The following SSTR5 variants were observed in gnomAD, a reference collection of about 807,000 sequenced individuals.
The protein encoded by SSTR5 is somatostatin receptor 5.
A neutral mutation model predicts 0.3 loss-of-function variants in SSTR5; 1 was observed. The observed-to-expected ratio is 2.98, with a 90% CI of 1.06 to 14.15. SSTR5 has a LOEUF of 14.15. Ranked by LOEUF, SSTR5 falls within the 30% of genes most tolerant of loss-of-function variation. The probability of loss-of-function intolerance (pLI) is 0.12; values close to 1 mark genes in which losing one functional copy is unlikely to be tolerated. For synonymous variants in SSTR5, 256 were observed against 263.1 expected (o/e 0.97, Z 0.26); for missense variants, 516 against 543.2 (o/e 0.95, Z 0.50).
At position 1,078,920 on chromosome 16, in the gene SSTR5, G is replaced by A. The variant is rs566320561; in HGVS notation, c.52G>A (p.Gly18Arg). The A allele has an allele frequency of 3.7e-5, 59 of 1,604,162 alleles. No individual in the cohort carries two copies. The South Asian group carries it at 6.2e-4, about 17-fold the overall frequency. The change falls in exon 2 of 2, where the codon GGG (glycine) becomes AGG (arginine). Residue 18 changes from glycine to arginine, a missense_variant. Coordinates refer to ENST00000689027, the MANE Select transcript of SSTR5 (RefSeq NM_001172560.3). ...GCCCAGCTGGAACGCCTCCTCCCCG[G>A]GGGCTGCCTCTGGAGGCGGTGACAA... is the stretch of plus-strand genomic sequence containing the variant. ...STPSWNASSP[G>R]AASGGGDNRT...
rs115525871 is a variant in SSTR5, at chr16:1,081,063, C to T, written c.*1100C>T. ...CGCAAATGGCAGGCCCTGGGAATCC[C>T]GCCGCCTCCCACCTAGAATTGTCCT... On this transcript the variant is annotated 3_prime_UTR_variant, in exon 2 of 2. Transcript: ENST00000689027. The T allele has an allele frequency of 3.2e-3, 1,520 of 470,290 alleles. 19 individuals are homozygous for T. Among genetic ancestry groups the T allele is most frequent in the African/African-American group, 0.024 (1,201 of 50,172 alleles). The allele number at this position is 470,290 out of a possible 1,614,324, so 29.1% of individuals were successfully genotyped here. A position where few individuals can be genotyped will look rare whatever the true frequency, so the allele number is the denominator to read the frequency against.
chr16:1,079,631 C>G lies in SSTR5; in HGVS notation c.763C>G (p.Leu255Val). Residue 255 changes from leucine (L) to valine (V), a missense_variant, in exon 2 of 2, where the codon CTG becomes GTG. Coordinates refer to ENST00000689027, the MANE Select transcript of SSTR5 (RefSeq NM_001172560.3). The part of the protein sequence containing the change: ...KVTRMVLVVV[L>V]VFAGCWLPFF... The stretch of plus-strand genomic sequence containing the variant: ...GACGCGCATGGTGTTGGTGGTGGTG[C>G]TGGTGTTTGCGGGATGTTGGCTGCC... 1 of 1,612,238 alleles carries G rather than the reference C, an allele frequency of 6.2e-7. No individual in the cohort carries two copies. The highest frequency in any genetic ancestry group is 8.5e-7 in the Non-Finnish European group (1 of 1,179,308).
chr16:1,074,460 C>T (rs1960153829), intron 1 of SSTR5, among the ~76,000 whole-genome samples: 2 of 152,190 alleles, frequency 1.3e-5, no homozygotes, highest in South Asian at 4.1e-4. Context: ...TGGCAGGGTG[C>T]AGGCTAGACC....
Position 1,079,115 on chromosome 16 carries a change from G to T in SSTR5, c.247G>T (p.Ala83Ser). The change falls in exon 2 of 2, where the codon GCA (alanine) becomes TCA (serine). Residue 83 changes from alanine (A) to serine (S), a missense_variant. By Grantham distance (99) the Ala-to-Ser change is moderately conservative. Coordinates refer to ENST00000689027, the MANE Select transcript of SSTR5 (RefSeq NM_001172560.3). ...TVTNIYILNLAVADVLYMLGL... is the reference protein window; with the variant it reads ...TVTNIYILNLSVADVLYMLGL... Reference sequence around the variant, plus strand: ...CACCAACATCTACATTCTCAACCTGGCAGTGGCCGACGTCCTGTACATGCT... The same window carrying T: ...CACCAACATCTACATTCTCAACCTGTCAGTGGCCGACGTCCTGTACATGCT... 6.2e-7 allele frequency: 1 copy of T among 1,612,732 alleles called. No homozygotes were observed. The highest frequency in any genetic ancestry group is 8.5e-7 in the Non-Finnish European group (1 of 1,179,968).
chr16:1,076,635 C>A (rs1398413420), intron 1 of SSTR5, among the ~76,000 whole-genome samples: 1 of 152,082 alleles, frequency 6.6e-6, no homozygotes, highest in African/African-American at 2.4e-5. Context: ...CAGCACCCTG[C>A]TCCAGTGAAT....
At chr16:1,075,972 T>G (rs867087225) in intron 1 of SSTR5, among the ~76,000 whole-genome samples, 1 of 542 alleles carries the variant, frequency 1.8e-3, no homozygotes, top group Non-Finnish European at 4.3e-3. Context: ...CCCCTCTCTC[T>G]CCCTCCCCCT....
intron 1 of SSTR5, chr16:1,078,537 G>T (rs1362856543): frequency 9.3e-6 from 4 of 429,740 alleles, no homozygotes; most frequent in Admixed American, 7.5e-5. Context: ...TCAGACTCCA[G>T]GATGCTGCGG....
In SSTR5 at chr16:1,079,798, C is replaced by T. The variant is rs746094680; in HGVS notation, c.930C>T (p.Asn310=). ...TCCTCTACGGCTTCCTCTCTGACAACTTCCGCCAGAGCTTCCAGAAGGTTC... is the reference window on the plus strand; with the variant it reads ...TCCTCTACGGCTTCCTCTCTGACAATTTCCGCCAGAGCTTCCAGAAGGTTC... ...NPVLYGFLSD[N]FRQSFQKVLC... The change falls in exon 2 of 2, where the codon AAC becomes AAT. Residue 310 remains asparagine (N), a synonymous_variant. Coordinates refer to ENST00000689027, the MANE Select transcript of SSTR5 (RefSeq NM_001172560.3). 6.2e-6 allele frequency: 10 copies of T among 1,612,436 alleles called. No homozygotes were observed. In the African/African-American group the frequency reaches 1.3e-4, roughly 22 times the overall value.
chr16:1,073,444 C>T (rs1960129930), intron 1 of SSTR5: 6 of 152,430 alleles, frequency 3.9e-5, no homozygotes, highest in Admixed American at 3.9e-4. Flanking sequence ...GAGGCCAGCA[C>T]CCAGGGGCCC....
chr16:1,081,388 C>A lies in SSTR5; in HGVS notation c.*1425C>A, dbSNP rs114600132. On this transcript the variant is annotated 3_prime_UTR_variant, in exon 2 of 2. Transcript: ENST00000689027. ...CCAGGCTGAGGCCAGGCCTGGGAAA[C>A]ATCCAAGCAGTGAGGACACGCGTGT... 0.023 allele frequency among the ~76,000 whole-genome samples: 3,571 copies of A among 152,330 alleles called. 55 individuals are homozygous for A. Among genetic ancestry groups the A allele is most frequent in the Middle Eastern group, 0.031 (9 of 294 alleles).
In SSTR5 at chr16:1,078,935, G is replaced by C; in HGVS notation, c.67G>C (p.Gly23Arg). The change falls in exon 2 of 2, where the codon GGC (glycine) becomes CGC (arginine). Residue 23 changes from glycine (G) to arginine (R), a missense_variant. Physicochemically the swap from Gly to Arg is moderately radical, Grantham distance 125 (BLOSUM62 -2). Transcript: ENST00000689027. ...NASSPGAASG[G>R]GDNRTLVGPA... is the part of the protein sequence containing the mutation. ...CTCCTCCCCGGGGGCTGCCTCTGGAGGCGGTGACAACAGGACGCTGGTGGG... is the reference window on the plus strand; with the variant it reads ...CTCCTCCCCGGGGGCTGCCTCTGGACGCGGTGACAACAGGACGCTGGTGGG... 1.2e-6 allele frequency: 2 copies of C among 1,601,226 alleles called. No individual in the cohort carries two copies. Among genetic ancestry groups the C allele is most frequent in the Non-Finnish European group, 1.7e-6 (2 of 1,175,988 alleles).
chr16:1,072,766 G>T lies in SSTR5; in HGVS notation c.-84G>T, dbSNP rs1038271496. Reference sequence around the variant, plus strand: ...CCTCCCAGCCGGCGCCCGGGAGCCCGGAGCCAGTGCCGCGCGGACATCGGG... The same window carrying T: ...CCTCCCAGCCGGCGCCCGGGAGCCCTGAGCCAGTGCCGCGCGGACATCGGG... On this transcript the variant is annotated 5_prime_UTR_variant, in exon 1 of 2. Transcript: ENST00000689027. 2.4e-5 allele frequency among the ~76,000 whole-genome samples: 3 copies of T among 123,054 alleles called. No homozygotes were observed. Among genetic ancestry groups the T allele is most frequent in the Admixed American group, 2.2e-4 (2 of 9,126 alleles). The allele number at this position is 123,054 out of a possible 152,430, so 80.7% of individuals were successfully genotyped here.
In SSTR5 at chr16:1,078,854, C is replaced by A; in HGVS notation, c.-15C>A. ...TCTTCTCTTGCAGAGCCTGACGCACCCCAGGGCTGCCGCCATGGAGCCCCT... is the reference window on the plus strand; with the variant it reads ...TCTTCTCTTGCAGAGCCTGACGCACACCAGGGCTGCCGCCATGGAGCCCCT... On this transcript the variant is annotated 5_prime_UTR_variant, in exon 2 of 2. Transcript: ENST00000689027. 6.2e-7 allele frequency: 1 copy of A among 1,603,318 alleles called. No homozygotes were observed.
At chr16:1,075,961 C>A in intron 1 of SSTR5, among the ~76,000 whole-genome samples, 1 of 9,664 alleles carries the variant, frequency 1.0e-4, no homozygotes, top group Non-Finnish European at 2.4e-4. Context: ...CTCCCCACCT[C>A]CCCCTCTCTC....
Position 1,078,907 on chromosome 16 carries a change from C to T in SSTR5, c.39C>T (p.Asn13=), listed in dbSNP as rs761846302. ...PLFPASTPSW[N]ASSPGAASGG... Reference sequence around the variant, plus strand: ...TCCCAGCCTCCACGCCCAGCTGGAACGCCTCCTCCCCGGGGGCTGCCTCTG... The same window carrying T: ...TCCCAGCCTCCACGCCCAGCTGGAATGCCTCCTCCCCGGGGGCTGCCTCTG... Residue 13 remains asparagine (N), a synonymous_variant, in exon 2 of 2, where the codon AAC becomes AAT. Transcript: ENST00000689027. The T allele has an allele frequency of 3.7e-5, 59 of 1,605,496 alleles. No individual in the cohort carries two copies. Among genetic ancestry groups the T allele is most frequent in the Middle Eastern group, 1.8e-4 (1 of 5,658 alleles).
At position 1,079,475 on chromosome 16, in the gene SSTR5, A is replaced by G. The variant is rs775526636; in HGVS notation, c.607A>G (p.Ile203Val). ...GGGGCTGTGGGGCGCCGTCTTCATC[A>G]TCTACACGGCCGTGCTGGGCTTCTT... ...PVGLWGAVFI[I>V]YTAVLGFFAP... The change falls in exon 2 of 2, where the codon ATC becomes GTC. Residue 203 changes from isoleucine (I) to valine (V), a missense_variant. Physicochemically the swap from Ile to Val is conservative, Grantham distance 29. Coordinates refer to ENST00000689027, the MANE Select transcript of SSTR5 (RefSeq NM_001172560.3). The G allele has an allele frequency of 1.9e-6, 3 of 1,610,316 alleles. No individual in the cohort carries two copies. The highest frequency in any genetic ancestry group is 1.7e-6 in the Non-Finnish European group (2 of 1,178,856).
intron 1 of SSTR5, among the ~76,000 whole-genome samples, chr16:1,075,920 CT>C (rs1960186075): frequency 7.2e-5 from 6 of 83,202 alleles, no homozygotes; most frequent in East Asian, 4.7e-4. Flanking sequence ...CTCTCCCTCC[CT>C]CTCTCCCCCC....
chr16:1,078,731 C>G (rs1288108264), intron 1 of SSTR5, 111 bp from the exon 2 acceptor site: 1 of 981,922 alleles, frequency 1.0e-6, no homozygotes, highest in East Asian at 2.6e-5. Context: ...CGTGTTTACC[C>G]GGTGATCCCG....
At chr16:1,074,921 G>A (rs1246011220) in intron 1 of SSTR5, among the ~76,000 whole-genome samples, 1 of 152,174 alleles carries the variant, frequency 6.6e-6, no homozygotes, top group Non-Finnish European at 1.5e-5. Context: ...AGAAGCCCGT[G>A]ACTTACCCCA....
Sources: allele counts gnomAD v4.1 joint callset (sites outside exome capture counted in the v4.1 genomes callset), GRCh38; gene constraint gnomAD v4.1.1; transcripts MANE v1.5; gene names NCBI Gene and HGNC (gene_info 2026-07-23, HGNC 2026-07-21).